SNX25: variants seen among roughly 807,000 people sequenced by gnomAD.
SNX25 encodes the protein sorting nexin 25.
A neutral mutation model predicts 113.7 loss-of-function variants in SNX25; 62 were observed. The observed-to-expected ratio is 0.55, with a 90% CI of 0.44 to 0.67. The LOEUF (loss-of-function observed/expected upper bound fraction) is 0.67, where lower values mean the gene tolerates loss of function less well. SNX25 is among the 30% of genes least tolerant of loss of function. The pLI is 0.00. For missense variants in SNX25, 1,014 were observed against 1,161.0 expected (o/e 0.87, Z 1.84); for synonymous variants, 421 against 436.2 (o/e 0.97, Z 0.43).
At chr4:185,333,384 A>G (rs1448535343) in intron 10 of SNX25, among the ~76,000 whole-genome samples, 1 of 152,234 alleles carries the variant, frequency 6.6e-6, no homozygotes, top group Non-Finnish European at 1.5e-5. Context: ...TCAAGCGGTC[A>G]ACATGAAAGC....
chr4:185,356,178 G>T (rs2095338167), intron 15 of SNX25, among the ~76,000 whole-genome samples: 1 of 152,038 alleles, frequency 6.6e-6, no homozygotes, highest in Non-Finnish European at 1.5e-5. Context: ...GGGGTTACTG[G>T]GGACTAGGGA....
At chr4:185,285,062 GA>G (rs777932416) in intron 5 of SNX25, among the ~76,000 whole-genome samples, 9 of 152,072 alleles carry the variant, frequency 5.9e-5, no homozygotes, top group Non-Finnish European at 1.2e-4. Context: ...AAACAGCTTA[GA>G]AAAAGTTAAA....
chr4:185,309,349 A>G (rs565804404), intron 6 of SNX25, among the ~76,000 whole-genome samples: 2 of 152,292 alleles, frequency 1.3e-5, no homozygotes, highest in Non-Finnish European at 2.9e-5. Context: ...CGTAACCCCA[A>G]CCAGATTCAA....
chr4:185,284,672 G>A (rs1310163874), intron 5 of SNX25, among the ~76,000 whole-genome samples: 9 of 152,196 alleles, frequency 5.9e-5, no homozygotes, highest in Admixed American at 5.9e-4. Flanking sequence ...TTGGGGAGGT[G>A]CAGGAGGTAA....
rs1050762107 is a variant in SNX25 at position 185,346,640 on chromosome 4, A to T, written c.2291A>T (p.Lys764Met). The T allele has an allele frequency of 5.7e-6, 9 of 1,571,516 alleles. No individual in the cohort carries two copies. The African/African-American group carries it at 8.3e-5, about 14-fold the overall frequency. Residue 764 changes from lysine (K) to methionine (M), a missense_variant, in exon 13 of 19, where the codon AAG becomes ATG. Physicochemically the swap from Lys to Met is moderately conservative, Grantham distance 95. Transcript: ENST00000652585. ...FMEKSKNQLN[K>M]FLQNLLSDER... ...GAAAAGTCGAAGAATCAATTAAATA[A>T]GTTTTTACAGGTAAGCAAGTGAAAA...
At chr4:185,245,341 G>T (rs1744701450) in intron 1 of SNX25, among the ~76,000 whole-genome samples, 1 of 151,788 alleles carries the variant, frequency 6.6e-6, no homozygotes, top group Non-Finnish European at 1.5e-5. Context: ...ATGCCAAGCA[G>T]TATCTTTTTT....
intron 10 of SNX25, 84 bp from the exon 11 acceptor site, chr4:185,339,295 G>A: frequency 3.1e-6 from 4 of 1,292,360 alleles, no homozygotes; most frequent in African/African-American, 2.9e-5. Context: ...TGATTATTGT[G>A]TGTTGACTTT....
At chr4:185,295,969 T>G (rs1395897604) in intron 6 of SNX25, 2 of 152,098 alleles carry the variant, frequency 1.3e-5, no homozygotes, top group Non-Finnish European at 2.9e-5. Flanking sequence ...AGAAGAGAAA[T>G]TTATTTCTTA....
At chr4:185,322,955 A>C (rs2095131611) in intron 8 of SNX25, among the ~76,000 whole-genome samples, 1 of 152,200 alleles carries the variant, frequency 6.6e-6, no homozygotes, top group Non-Finnish European at 1.5e-5. Flanking sequence ...AGGAACTGTA[A>C]AGATTATGTT....
intron 6 of SNX25, among the ~76,000 whole-genome samples, chr4:185,307,657 C>T (rs1046320219): frequency 3.3e-5 from 5 of 152,240 alleles, no homozygotes; most frequent in African/African-American, 7.2e-5. Flanking sequence ...CCAATGTCCA[C>T]CTGCTCTGCC....
At chr4:185,324,749 G>A (rs1185844444) in intron 9 of SNX25, among the ~76,000 whole-genome samples, 1 of 152,132 alleles carries the variant, frequency 6.6e-6, no homozygotes, top group Admixed American at 6.5e-5. Context: ...CTTTAGAATG[G>A]CGGTGCTTGT....
the SNX25 span, chr4:185,375,635 C>T: frequency 1.9e-6 from 3 of 1,608,640 alleles, no homozygotes; most frequent in Non-Finnish European, 2.5e-6. Context: ...GGTCCCCAGC[C>T]CATCATAGTA....
chr4:185,338,131 C>G (rs2095241350), intron 10 of SNX25, among the ~76,000 whole-genome samples: 1 of 151,994 alleles, frequency 6.6e-6, no homozygotes, highest in Admixed American at 6.6e-5. Flanking sequence ...TTTACTATAT[C>G]AATAGTGTTC....
chr4:185,225,425 G>A (rs1740851711), intron 1 of SNX25, among the ~76,000 whole-genome samples: 1 of 152,154 alleles, frequency 6.6e-6, no homozygotes, highest in Non-Finnish European at 1.5e-5. Context: ...CACCCGGCCA[G>A]TATATTCTCT....
chr4:185,300,840 G>GACACACACACACACACAC (rs58762122), intron 6 of SNX25, among the ~76,000 whole-genome samples: 1,613 of 140,748 alleles, frequency 0.011, 24 homozygotes, highest in Middle Eastern at 0.029. Context: ...TGATTATTAT[G>GACACACACACACACACAC]ACACACACAC....
At chr4:185,337,061 A>G (rs1483538594) in intron 10 of SNX25, among the ~76,000 whole-genome samples, 2 of 152,030 alleles carry the variant, frequency 1.3e-5, no homozygotes, top group African/African-American at 4.8e-5. Flanking sequence ...TCTGGATATT[A>G]GTCCTTTGTT....
intron 7 of SNX25, among the ~76,000 whole-genome samples, chr4:185,311,715 T>G (rs1179245080): frequency 1.3e-5 from 2 of 152,198 alleles, no homozygotes; most frequent in Non-Finnish European, 2.9e-5. Flanking sequence ...CCTGTTTAGC[T>G]CTCGGTTCTA....
chr4:185,318,941 T>A (rs2095096556), intron 7 of SNX25, among the ~76,000 whole-genome samples: 1 of 152,180 alleles, frequency 6.6e-6, no homozygotes. Flanking sequence ...TCTCCACAGG[T>A]AGCTACTCTG....
chr4:185,253,629 C>T (rs762533164), intron 2 of SNX25, among the ~76,000 whole-genome samples: 7 of 151,994 alleles, frequency 4.6e-5, no homozygotes, highest in Non-Finnish European at 1.0e-4. Context: ...CTACCACGCC[C>T]GGCTAATTTT....
Sources: allele counts gnomAD v4.1 joint callset (sites outside exome capture counted in the v4.1 genomes callset), GRCh38; gene constraint gnomAD v4.1.1; transcripts MANE v1.5; gene names NCBI Gene and HGNC (gene_info 2026-07-23, HGNC 2026-07-21).